MYO5C: variants seen among roughly 807,000 people sequenced by gnomAD.
The protein encoded by MYO5C is myosin VC, also known as unconventional myosin-Vc.
A neutral mutation model predicts 235.7 loss-of-function variants in MYO5C; 194 were observed. The observed-to-expected ratio is 0.82, with a 90% CI of 0.73 to 0.93. The LOEUF is 0.93. MYO5C is among the 40% of genes least tolerant of loss of function. MYO5C has a pLI of 0.00. For synonymous variants in MYO5C, 707 were observed against 754.8 expected (o/e 0.94, Z 1.04); for missense variants, 2,038 against 2,127.2 (o/e 0.96, Z 0.82).
At position 52,193,824 on chromosome 15, in the gene MYO5C, G is replaced by A. The variant is rs2034987236; in HGVS notation, c.*78C>T. The A allele has an allele frequency of 6.8e-7, 1 of 1,468,402 alleles. No homozygotes were observed. The highest frequency in any genetic ancestry group is 2.2e-5 in the Admixed American group (1 of 44,776). The allele number at this position is 1,468,402 out of a possible 1,614,324, so 91.0% of individuals were successfully genotyped here. A position where few individuals can be genotyped will look rare whatever the true frequency, so the allele number is the denominator to read the frequency against. ...CTTAAATCACATTCCAATTTCCACTGCCAATTAATAAAACACATCCCTCAT... is the reference window on the plus strand; with the variant it reads ...CTTAAATCACATTCCAATTTCCACTACCAATTAATAAAACACATCCCTCAT... On this transcript the variant is annotated 3_prime_UTR_variant, in exon 41 of 41. Coordinates refer to ENST00000261839, the MANE Select transcript of MYO5C (RefSeq NM_018728.4).
intron 26 of MYO5C, 105 bp downstream of exon 26, chr15:52,225,334 T>C (rs1262119544): frequency 8.9e-7 from 1 of 1,127,818 alleles, no homozygotes; most frequent in African/African-American, 1.5e-5. Flanking sequence ...CAATCTACCA[T>C]ATGTCCAACC....
chr15:52,235,085 G>A (rs879801758), intron 23 of MYO5C, among the ~76,000 whole-genome samples: 1 of 149,332 alleles, frequency 6.7e-6, no homozygotes, highest in Non-Finnish European at 1.5e-5. Context: ...TAGGCTAAGC[G>A]TAGCTGTTCC....
intron 35 of MYO5C, among the ~76,000 whole-genome samples, chr15:52,209,121 C>A (rs1296946787): frequency 6.6e-6 from 1 of 151,982 alleles, no homozygotes; most frequent in African/African-American, 2.4e-5. Flanking sequence ...AGGACTAGGA[C>A]TGTTGGGGAG....
Position 52,261,019 on chromosome 15 carries a change from C to T in MYO5C, c.1156G>A (p.Val386Ile). 6 of 1,614,230 alleles carry T rather than the reference C, an allele frequency of 3.7e-6. No individual in the cohort carries two copies. The highest frequency in any genetic ancestry group is 5.1e-6 in the Non-Finnish European group (6 of 1,180,030). ...GCCTGAGGCCTGGTCATGGGTTTTACCACCGTCTCAGAGCTTGTGACGATT... is the reference window on the plus strand; with the variant it reads ...GCCTGAGGCCTGGTCATGGGTTTTATCACCGTCTCAGAGCTTGTGACGATT... ...RKIVTSSETV[V>I]KPMTRPQAVN... Residue 386 changes from valine (V) to isoleucine (I), a missense_variant, in exon 10 of 41, where the codon GTA becomes ATA. Transcript: ENST00000261839.
chr15:52,254,553 A>G (rs1437506834), intron 11 of MYO5C, among the ~76,000 whole-genome samples: 1 of 152,120 alleles, frequency 6.6e-6, no homozygotes, highest in Non-Finnish European at 1.5e-5. Flanking sequence ...GGAGATCAGG[A>G]GAGTCCTACC....
rs1006560289 is a variant in MYO5C at position 52,295,640 on chromosome 15, C to T, written c.-4G>A. ...TGTACAGCTCGGCCACCGCCATGGG[C>T]AGGAGGGGCCGGGGCCAGGCCGGGG... On this transcript the variant is annotated 5_prime_UTR_variant, in exon 1 of 41. Transcript: ENST00000261839. The T allele has an allele frequency of 2.7e-5, 39 of 1,471,388 alleles. No individual in the cohort carries two copies. In the African/African-American group the frequency reaches 4.6e-4, roughly 17 times the overall value. The allele number at this position is 1,471,388 out of a possible 1,614,324, so 91.1% of individuals were successfully genotyped here. A position where few individuals can be genotyped will look rare whatever the true frequency, so the allele number is the denominator to read the frequency against.
intron 24 of MYO5C, among the ~76,000 whole-genome samples, chr15:52,232,125 AAAAG>A (rs2035964511): frequency 7.1e-6 from 1 of 140,416 alleles, no homozygotes; most frequent in Admixed American, 7.5e-5. Context: ...AAAGAAAGAG[AAAAG>A]AAAGAAAAGG....
Position 52,282,856 on chromosome 15 carries a change from A to G in MYO5C, c.64T>C (p.Trp22Arg). ...TCCTTGGCTATTTCAGCAGACTTCC[A>G]AACTTCTTCAGGATCGGGAATCCAG... ...RVWIPDPEEV[W>R]KSAEIAKDYR... The change falls in exon 2 of 41, where the codon TGG (tryptophan) becomes CGG (arginine). Residue 22 changes from tryptophan (W) to arginine (R), a missense_variant. By Grantham distance (101) the Trp-to-Arg change is moderately radical. Coordinates refer to ENST00000261839, the MANE Select transcript of MYO5C (RefSeq NM_018728.4). 6.2e-7 allele frequency: 1 copy of G among 1,614,142 alleles called. No individual in the cohort carries two copies.
Position 52,283,822 on chromosome 15 carries a change from C to A in MYO5C, c.28-930G>T, listed in dbSNP as rs368144440. Among the ~76,000 whole-genome samples, 47 of 152,080 alleles carry A rather than the reference C, an allele frequency of 3.1e-4. No individual in the cohort carries two copies. In the East Asian group the frequency reaches 6.0e-3, roughly 19 times the overall value. ...TCCCGAGTAGCTAGGATTACAGGCA[C>A]CCGCCACCATGCCTGGCTAATTTTG... is the stretch of plus-strand genomic sequence containing the variant. On this transcript the variant is annotated intron_variant, in intron 1 of 40. Transcript: ENST00000261839.
At chr15:52,291,891 A>T (rs1373957169) in intron 1 of MYO5C, among the ~76,000 whole-genome samples, 1 of 151,226 alleles carries the variant, frequency 6.6e-6, no homozygotes, top group East Asian at 1.9e-4. Flanking sequence ...GGCGCCTGCC[A>T]CCACGCCTGG....
Position 52,283,124 on chromosome 15 carries a change from C to T in MYO5C, c.28-232G>A, listed in dbSNP as rs3751623. On this transcript the variant is annotated intron_variant, in intron 1 of 40. Transcript: ENST00000261839. ...CAAAGCCTCCTAGATAAACCTTGAACGCTGAAAGCCTGTACGTGGGAAAGA... is the reference window on the plus strand; with the variant it reads ...CAAAGCCTCCTAGATAAACCTTGAATGCTGAAAGCCTGTACGTGGGAAAGA... Among the ~76,000 whole-genome samples the T allele has an allele frequency of 3.2e-4, 49 of 152,202 alleles. 1 individual carries two copies. The East Asian group carries it at 8.7e-3, about 27-fold the overall frequency.
intron 7 of MYO5C, 51 bp from the exon 8 acceptor site, chr15:52,269,911 A>G: frequency 8.1e-7 from 1 of 1,239,788 alleles, no homozygotes. Flanking sequence ...AAATTTGGAC[A>G]TACACATTTA....
chr15:52,251,349 G>A (rs771817923), intron 13 of MYO5C, 41 bp downstream of exon 13: 3 of 1,552,054 alleles, frequency 1.9e-6, no homozygotes, highest in Non-Finnish European at 2.6e-6. Flanking sequence ...AGGCTGTACA[G>A]GTTCCGGGGT....
At chr15:52,234,456 C>A (rs889064977) in intron 23 of MYO5C, among the ~76,000 whole-genome samples, 1 of 148,608 alleles carries the variant, frequency 6.7e-6, no homozygotes, top group Admixed American at 6.9e-5. Flanking sequence ...AATTTAAATG[C>A]CCTTGTGGGA....
At position 52,239,725 on chromosome 15, in the gene MYO5C, G is replaced by T; in HGVS notation, c.2703+8C>A. ...AGTAAATGTAAAAGATGCACTATGA[G>T]CACCTACCTGATCTTCCAACTTTTT... is the stretch of plus-strand genomic sequence containing the variant. On this transcript the variant is annotated splice_region_variant and intron_variant, in intron 21 of 40. Coordinates refer to ENST00000261839, the MANE Select transcript of MYO5C (RefSeq NM_018728.4). 1 of 1,593,842 alleles carries T rather than the reference G, an allele frequency of 6.3e-7. No individual in the cohort carries two copies. Among genetic ancestry groups the T allele is most frequent in the Non-Finnish European group, 8.6e-7 (1 of 1,167,440 alleles).
intron 12 of MYO5C, among the ~76,000 whole-genome samples, chr15:52,252,611 CA>C (rs1035580951): frequency 2.6e-5 from 4 of 151,704 alleles, no homozygotes; most frequent in African/African-American, 9.7e-5. Context: ...CCGTCTCTAC[CA>C]AAAATACAAA....
At chr15:52,207,233 A>T (rs1218812693) in intron 36 of MYO5C, among the ~76,000 whole-genome samples, 3 of 152,244 alleles carry the variant, frequency 2.0e-5, no homozygotes, top group Non-Finnish European at 4.4e-5. Flanking sequence ...ATGGTAACTG[A>T]AAAAGCAGTC....
Position 52,250,677 on chromosome 15 carries a change from C to T in MYO5C, c.1662+713G>A, listed in dbSNP as rs369595518. Among the ~76,000 whole-genome samples the T allele has an allele frequency of 3.3e-5, 5 of 152,268 alleles. No individual in the cohort carries two copies. In the East Asian group the frequency reaches 7.7e-4, roughly 23 times the overall value. ...CTCTGACTCACAGCACCGGCCTCTG[C>T]GATAAACATAGACAAGCACAAGCCA... On this transcript the variant is annotated intron_variant, in intron 13 of 40. Coordinates refer to ENST00000261839, the MANE Select transcript of MYO5C (RefSeq NM_018728.4).
At chr15:52,201,716 T>C (rs1437933214) in intron 38 of MYO5C, among the ~76,000 whole-genome samples, 1 of 152,122 alleles carries the variant, frequency 6.6e-6, no homozygotes, top group African/African-American at 2.4e-5. Flanking sequence ...TATTGTATGG[T>C]ACAGTTTTTG....
Sources: gnomAD v4.1 joint callset for allele counts (sites outside exome capture counted in the v4.1 genomes callset) on GRCh38, gnomAD v4.1.1 for gene constraint, MANE v1.5 for transcripts, NCBI Gene and HGNC (gene_info 2026-07-23, HGNC 2026-07-21) for gene names.